The following MAGI2 variants were observed in gnomAD, a reference collection of about 807,000 sequenced individuals.
MAGI2 encodes the protein membrane-associated guanylate kinase, WW and PDZ domain-containing protein 2.
A neutral mutation model predicts 133.3 loss-of-function variants in MAGI2; 35 were observed. The observed-to-expected ratio is 0.26, with a 90% CI of 0.20 to 0.35. The LOEUF is 0.35. Among genes scored for constraint, MAGI2 ranks in the 10% least tolerant of loss-of-function variants. MAGI2 has a pLI of 1.00. For missense variants in MAGI2, 1,636 were observed against 1,863.4 expected (o/e 0.88, Z 2.25); for synonymous variants, 729 against 710.6 (o/e 1.03, Z -0.41).
At chr7:78,339,934 A>G (rs1193172887) in intron 9 of MAGI2, among the ~76,000 whole-genome samples, 1 of 152,198 alleles carries the variant, frequency 6.6e-6, no homozygotes, top group Non-Finnish European at 1.5e-5. Context: ...GCACCATAAA[A>G]AGTTATTTAT....
intron 14 of MAGI2, chr7:78,170,808 ATAAT>A (rs1308402971): frequency 1.3e-5 from 2 of 151,358 alleles, no homozygotes; most frequent in Non-Finnish European, 2.9e-5. Context: ...ATAGTATTAC[ATAAT>A]TATTATATGT....
chr7:79,047,031 A>G (rs961836572), intron 1 of MAGI2, among the ~76,000 whole-genome samples: 3 of 152,190 alleles, frequency 2.0e-5, no homozygotes, highest in African/African-American at 7.2e-5. Flanking sequence ...TTGAATGAAT[A>G]TATTTTTTTA....
At chr7:79,049,399 A>C (rs1812474491) in intron 1 of MAGI2, among the ~76,000 whole-genome samples, 3 of 152,168 alleles carry the variant, frequency 2.0e-5, no homozygotes, top group African/African-American at 7.2e-5. Context: ...TGGTGAGGAA[A>C]TATTCAGGGA....
At chr7:79,335,042 A>G (rs10270040) in intron 1 of MAGI2, among the ~76,000 whole-genome samples, 91,975 of 152,020 alleles carry the variant, frequency 0.61, 29,561 homozygotes, top group Non-Finnish European at 0.71. Flanking sequence ...CTTGGTTTAC[A>G]TGGCTGAGCT....
Position 78,703,436 on chromosome 7 carries a change from C to T in MAGI2, c.419-76197G>A, listed in dbSNP as rs546077877. Among the ~76,000 whole-genome samples the T allele has an allele frequency of 1.7e-4, 26 of 151,970 alleles. No homozygotes were observed. The East Asian group carries it at 3.5e-3, about 20-fold the overall frequency. On this transcript the variant is annotated intron_variant, in intron 2 of 21. Coordinates refer to ENST00000354212, the MANE Select transcript of MAGI2 (RefSeq NM_012301.4). ...TTGTGGCAAACATTTTGAGATTGAA[C>T]GTGTGAAGTTTCAGAATTTCTCATC...
chr7:78,338,738 A>G (rs1374845338), intron 9 of MAGI2, among the ~76,000 whole-genome samples: 1 of 152,228 alleles, frequency 6.6e-6, no homozygotes, highest in Non-Finnish European at 1.5e-5. Flanking sequence ...ATTTTTGAAT[A>G]TTTAACAAGC....
chr7:79,125,217 T>A (rs1820299756), intron 1 of MAGI2: 1 of 394,350 alleles, frequency 2.5e-6, no homozygotes, highest in South Asian at 2.2e-5. Context: ...TGGATAAGAC[T>A]GTCATTCAGA....
intron 2 of MAGI2, among the ~76,000 whole-genome samples, chr7:78,950,693 A>T (rs1022384251): frequency 1.3e-5 from 2 of 152,200 alleles, no homozygotes; most frequent in Non-Finnish European, 2.9e-5. Context: ...TTTATGAGAA[A>T]AGATAAGGAC....
chr7:78,733,336 T>C (rs994456300), intron 2 of MAGI2, among the ~76,000 whole-genome samples: 2 of 152,166 alleles, frequency 1.3e-5, no homozygotes, highest in Admixed American at 6.5e-5. Context: ...GTCCTACTCC[T>C]AGGAGAGAAG....
At chr7:78,244,043 G>A (rs1791472845) in intron 10 of MAGI2, among the ~76,000 whole-genome samples, 1 of 150,876 alleles carries the variant, frequency 6.6e-6, no homozygotes, top group Admixed American at 6.6e-5. Flanking sequence ...AGAAATAAGG[G>A]CCAGGCATGG....
At chr7:79,017,311 A>G (rs932586221) in intron 1 of MAGI2, among the ~76,000 whole-genome samples, 4 of 152,212 alleles carry the variant, frequency 2.6e-5, no homozygotes, top group African/African-American at 9.6e-5. Flanking sequence ...CACACAGTTC[A>G]GGAGTTATGA....
At chr7:79,425,244 T>A (rs1415621685) in intron 1 of MAGI2, among the ~76,000 whole-genome samples, 1 of 139,312 alleles carries the variant, frequency 7.2e-6, no homozygotes, top group East Asian at 2.1e-4. Context: ...AGAGCGAGAC[T>A]CCGTCTCAGA....
chr7:78,284,229 T>C (rs1322726343), intron 9 of MAGI2, among the ~76,000 whole-genome samples: 1 of 152,114 alleles, frequency 6.6e-6, no homozygotes, highest in Non-Finnish European at 1.5e-5. Flanking sequence ...AGGCAAATGT[T>C]TTTTTAAGAA....
intron 1 of MAGI2, among the ~76,000 whole-genome samples, chr7:79,398,166 G>C (rs1563186828): frequency 6.6e-6 from 1 of 152,118 alleles, no homozygotes; most frequent in Admixed American, 6.5e-5. Context: ...CTGCTTTGTG[G>C]TAGAGACATA....
intron 2 of MAGI2, among the ~76,000 whole-genome samples, chr7:78,795,539 C>T (rs181693528): frequency 9.0e-4 from 137 of 151,842 alleles, no homozygotes; most frequent in Non-Finnish European, 1.7e-3. Flanking sequence ...TAAAAGAAGT[C>T]GAGAGGACAC....
chr7:79,106,603 A>G (rs1344009487), intron 1 of MAGI2, among the ~76,000 whole-genome samples: 1 of 152,226 alleles, frequency 6.6e-6, no homozygotes, highest in Non-Finnish European at 1.5e-5. Flanking sequence ...TCTTACAAAC[A>G]GTAGCAATCC....
chr7:78,239,399 C>G (rs1441749991), intron 10 of MAGI2, among the ~76,000 whole-genome samples: 1 of 152,072 alleles, frequency 6.6e-6, no homozygotes, highest in Non-Finnish European at 1.5e-5. Flanking sequence ...AGAAGCAAAA[C>G]TAGACAAATA....
chr7:78,211,536 C>T (rs1186452799), intron 10 of MAGI2, among the ~76,000 whole-genome samples: 2 of 152,160 alleles, frequency 1.3e-5, no homozygotes, highest in African/African-American at 4.8e-5. Flanking sequence ...CTTTGTGGCT[C>T]ACAGATGCAT....
intron 6 of MAGI2, among the ~76,000 whole-genome samples, chr7:78,471,708 T>C (rs1321773969): frequency 1.3e-5 from 2 of 152,042 alleles, no homozygotes; most frequent in African/African-American, 4.8e-5. Context: ...GGTGAATCAA[T>C]GAGGTCAGGA....
Sources: gnomAD v4.1 joint callset for allele counts (sites outside exome capture counted in the v4.1 genomes callset) on GRCh38, gnomAD v4.1.1 for gene constraint, MANE v1.5 for transcripts, NCBI Gene and HGNC (gene_info 2026-07-23, HGNC 2026-07-21) for gene names.